FANCG: variants seen among roughly 807,000 people sequenced by gnomAD.
FANCG encodes Fanconi anemia group G protein.
Under a neutral mutation model 73.3 loss-of-function variants are expected in FANCG, and 67 were observed. The ratio of observed to expected loss-of-function variants is 0.91; its 90% CI spans 0.75 to 1.12. The LOEUF (loss-of-function observed/expected upper bound fraction) is 1.12, where lower values mean the gene tolerates loss of function less well. FANCG is among the 50% of genes most tolerant of loss of function. FANCG has a pLI of 0.00. For synonymous variants in FANCG, 297 were observed against 311.6 expected, an observed-to-expected ratio of 0.95 and a Z score of 0.49; for missense variants, 643 against 735.6, an observed-to-expected ratio of 0.87 and a Z score of 1.46.
chr9:35,077,135 C>A (rs2131056785), intron 5 of FANCG, 34 bp from the exon 6 acceptor site: 1 of 1,614,106 alleles, frequency 6.2e-7, no homozygotes, highest in Non-Finnish European at 8.5e-7. Context: ...TTGGAGAGGG[C>A]TATAGAGCAG....
rs752257189 is a variant in FANCG, at chr9:35,074,908, G to A, written c.1636+19C>T. 3.4e-5 allele frequency: 55 copies of A among 1,613,926 alleles called. No homozygotes were observed. The highest frequency in any genetic ancestry group is 2.9e-4 in the East Asian group (13 of 44,900). On this transcript the variant is annotated intron_variant, in intron 12 of 13. Coordinates refer to ENST00000378643, the MANE Select transcript of FANCG (RefSeq NM_004629.2). ...CCTTGCACATCTATGCATAGCCGACGTCATGCAAGTATACATACCTGGGCA... is the reference window on the plus strand; with the variant it reads ...CCTTGCACATCTATGCATAGCCGACATCATGCAAGTATACATACCTGGGCA...
In FANCG at chr9:35,075,730, CTGGAGGGGAGGGGGGTGGG is replaced by C; in HGVS notation, c.1149_1167del (p.Pro384GlyfsTer13). 6.4e-7 allele frequency: 1 copy of C among 1,566,832 alleles called. No individual in the cohort carries two copies. Among genetic ancestry groups the C allele is most frequent in the East Asian group, 2.3e-5 (1 of 43,686 alleles). ...AAAAACACCTCAGGCATACAGGGCC[CTGGAGGGGAGGGGGGTGGG>C]GAGAACTGGAGTGGGAAGAAGAAGC... On this transcript the variant is annotated frameshift_variant, in exon 10 of 14. Transcript: ENST00000378643. LOFTEE classifies it high-confidence loss of function.
At position 35,079,505 on chromosome 9, in the gene FANCG, G is replaced by A. The variant is rs35984312; in HGVS notation, c.20C>T (p.Ser7Phe). 3,063 of 1,614,128 alleles carry A rather than the reference G, an allele frequency of 1.9e-3. 37 individuals are homozygous for A. Among genetic ancestry groups the A allele is most frequent in the Middle Eastern group, 9.9e-3 (60 of 6,062 alleles). Residue 7 changes from serine to phenylalanine, a missense_variant, in exon 1 of 14, where the codon TCT (serine) becomes TTT (phenylalanine). Ser to Phe is a radical substitution (Grantham distance 155). Transcript: ENST00000378643. ...CAGGTCCAGGCAGCTGGAGCCCACA[G>A]AGGTGGTCTGGCGGGACATGGTGGC... is the stretch of plus-strand genomic sequence containing the variant. MSRQTT[S>F]VGSSCLDLWR...
chr9:35,077,218 G>C (rs777370080), intron 5 of FANCG, 46 bp downstream of exon 5: 3 of 1,614,164 alleles, frequency 1.9e-6, no homozygotes, highest in Non-Finnish European at 2.5e-6. Flanking sequence ...CATGAGTCTG[G>C]AGGACCACTT....
At chr9:35,075,873 G>GAA in intron 9 of FANCG, 89 bp downstream of exon 9, 1 of 1,566,368 alleles carries the variant, frequency 6.4e-7, no homozygotes, top group Non-Finnish European at 8.8e-7. Flanking sequence ...CAGAATAGAG[G>GAA]AAAAAACAAA....
chr9:35,075,305 C>G lies in FANCG; in HGVS notation c.1454G>C (p.Arg485Pro). ...EFSRCLELLFRATPEEKEQGA... is the reference protein window; with the variant it reads ...EFSRCLELLFPATPEEKEQGA... The stretch of plus-strand genomic sequence containing the variant: ...TTGTTCTTTTTCCTCAGGTGTGGCC[C>G]GGAAGAGCAGCTCGAGGCACCTGAA... The change falls in exon 11 of 14, where the codon CGG becomes CCG. Residue 485 changes from arginine (R) to proline (P), a missense_variant. Coordinates refer to ENST00000378643, the MANE Select transcript of FANCG (RefSeq NM_004629.2). 6.2e-7 allele frequency: 1 copy of G among 1,614,092 alleles called. No individual in the cohort carries two copies. Among genetic ancestry groups the G allele is most frequent in the Middle Eastern group, 1.7e-4 (1 of 6,056 alleles).
rs141147618 is a variant in FANCG at position 35,075,741 on chromosome 9, G to A, written c.1157C>T (p.Pro386Leu). ...DSSEPRFSPP[P>L]SPPGPCMPEV... The stretch of plus-strand genomic sequence containing the variant: ...AGGCATACAGGGCCCTGGAGGGGAG[G>A]GGGGTGGGGAGAACTGGAGTGGGAA... The change falls in exon 10 of 14, where the codon CCC (proline) becomes CTC (leucine). Residue 386 changes from proline (P) to leucine (L), a missense_variant. Transcript: ENST00000378643. 1.2e-5 allele frequency: 7 copies of A among 589,808 alleles called. No homozygotes were observed. Among genetic ancestry groups the A allele is most frequent in the East Asian group, 4.7e-5 (1 of 21,394 alleles). The allele number at this position is 589,808 out of a possible 1,614,324, so 36.5% of individuals were successfully genotyped here.
chr9:35,074,779 C>T, intron 12 of FANCG, 148 bp downstream of exon 12: 1 of 1,058,504 alleles, frequency 9.4e-7, no homozygotes, highest in Non-Finnish European at 1.4e-6. Context: ...ATTTGAACAC[C>T]TGGATATATC....
rs780110754 is a variant in FANCG at position 35,076,678 on chromosome 9, A to C, written c.924+46T>G. On this transcript the variant is annotated intron_variant, in intron 7 of 13. Coordinates refer to ENST00000378643, the MANE Select transcript of FANCG (RefSeq NM_004629.2). ...CTAGTCAAGTCACCCCATCACAAGC[A>C]CCTCAGGAATCCTCCACCCCACATC... The C allele has an allele frequency of 2.5e-6, 4 of 1,613,920 alleles. No individual in the cohort carries two copies. In the South Asian group the frequency reaches 4.4e-5, roughly 18 times the overall value.
In FANCG at chr9:35,076,509, GT is replaced by G. The variant is rs1829086329; in HGVS notation, c.998del (p.Asp333AlafsTer2). On this transcript the variant is annotated frameshift_variant, in exon 8 of 14. Transcript: ENST00000378643. LOFTEE classifies it high-confidence loss of function. Reference protein sequence around the residue: ...IEVELLLPPPDLASPLHCGTQ... With the variant: ...IEVELLLPPPXLASPLHCGTQ... ...TGCCACAATGAAGGGGTGAGGCTAG[GT>G]CAGGTGGTGGCAGTAGTAATTCTAC... 1 of 1,614,098 alleles carries G rather than the reference GT, an allele frequency of 6.2e-7. No individual in the cohort carries two copies. The highest frequency in any genetic ancestry group is 8.5e-7 in the Non-Finnish European group (1 of 1,180,040).
chr9:35,078,064 T>C (rs546769930), intron 4 of FANCG, 77 bp downstream of exon 4: 56 of 1,391,466 alleles, frequency 4.0e-5, no homozygotes, highest in Admixed American at 3.0e-4. Context: ...CAGTACATGA[T>C]GATGCTACTG....
At chr9:35,075,847 C>T (rs1323067295) in intron 9 of FANCG, 93 bp from the exon 10 acceptor site, 1 of 1,531,632 alleles carries the variant, frequency 6.5e-7, no homozygotes, top group Non-Finnish European at 9.0e-7. Context: ...AGTCCTGGGC[C>T]CCCAGACTGG....
In FANCG at chr9:35,078,687, G is replaced by T; in HGVS notation, c.225C>A (p.Cys75Ter). ...AGCTTGCCCTCAGGATAATGAAGTT[G>T]CAGGTGACAGTCAGCTCCAAGGGAA... Reference protein sequence around the residue: ...PVLPLELTVTCNFIILRASLA... With the variant: ...PVLPLELTVT Residue 75 changes from cysteine to a stop codon, truncating the protein, a stop_gained, in exon 3 of 14, where the codon TGC becomes TGA. Coordinates refer to ENST00000378643, the MANE Select transcript of FANCG (RefSeq NM_004629.2). LOFTEE classifies it high-confidence loss of function. The T allele has an allele frequency of 6.2e-7, 1 of 1,614,140 alleles. No individual in the cohort carries two copies. The highest frequency in any genetic ancestry group is 8.5e-7 in the Non-Finnish European group (1 of 1,180,040).
chr9:35,077,987 A>C, intron 4 of FANCG, 154 bp downstream of exon 4: 1 of 756,186 alleles, frequency 1.3e-6, no homozygotes, highest in Non-Finnish European at 2.3e-6. Context: ...GAGACCAACC[A>C]GGGCAAGGTC....
At position 35,078,140 on chromosome 9, in the gene FANCG, C is replaced by T. The variant is rs764658302; in HGVS notation, c.510+1G>A. 6.2e-7 allele frequency: 1 copy of T among 1,613,990 alleles called. No individual in the cohort carries two copies. The highest frequency in any genetic ancestry group is 8.5e-7 in the Non-Finnish European group (1 of 1,179,918). On this transcript the variant is annotated splice_donor_variant, in intron 4 of 13. Coordinates refer to ENST00000378643, the MANE Select transcript of FANCG (RefSeq NM_004629.2). LOFTEE classifies it high-confidence loss of function. ...CAGCTTCAGGTCACTTTCCCTATTA[C>T]CTGGCTGCCATTCAGGGTCTCTAGT...
At chr9:35,078,080 G>A in intron 4 of FANCG, 61 bp downstream of exon 4, 1 of 1,498,342 alleles carries the variant, frequency 6.7e-7, no homozygotes, top group Non-Finnish European at 9.3e-7. Context: ...TACTGCAGCT[G>A]GAGAGAAAGG....
chr9:35,074,761 C>G, intron 12 of FANCG, 166 bp downstream of exon 12: 3 of 938,648 alleles, frequency 3.2e-6, no homozygotes, highest in Non-Finnish European at 5.0e-6. Context: ...TGCATACACA[C>G]TGTGTATATT....
rs763451432 is a variant in FANCG, at chr9:35,076,713, C to G, written c.924+11G>C. The G allele has an allele frequency of 6.2e-7, 1 of 1,614,126 alleles. No homozygotes were observed. The highest frequency in any genetic ancestry group is 8.5e-7 in the Non-Finnish European group (1 of 1,180,050). ...TCCTCCACCCCACATCTTCACCTGG[C>G]AGTTCCCTACCTCAACTAGCAGCTC... On this transcript the variant is annotated intron_variant, in intron 7 of 13. Coordinates refer to ENST00000378643, the MANE Select transcript of FANCG (RefSeq NM_004629.2).
intron 8 of FANCG, 46 bp from the exon 9 acceptor site, chr9:35,076,074 A>T: frequency 6.5e-7 from 1 of 1,537,474 alleles, no homozygotes; most frequent in Non-Finnish European, 9.0e-7. Flanking sequence ...CCTAGCAGGG[A>T]ACCTGCAAGG....
Sources: allele counts gnomAD v4.1 joint callset, GRCh38; gene constraint gnomAD v4.1.1; transcripts MANE v1.5; gene names NCBI Gene and HGNC (gene_info 2026-07-23, HGNC 2026-07-21).